The following BTG3 variants were observed in gnomAD, a reference collection of about 807,000 sequenced individuals.
BTG3 encodes protein BTG3.
A neutral mutation model predicts 25.8 loss-of-function variants in BTG3; 4 were observed. The observed-to-expected ratio is 0.16, with a 90% confidence interval of 0.08 to 0.36. The LOEUF (loss-of-function observed/expected upper bound fraction) is 0.36, where lower values mean the gene tolerates loss of function less well. Among genes scored for constraint, BTG3 ranks in the 10% least tolerant of loss-of-function variants. The pLI is 1.00. For missense variants in BTG3, 201 were observed against 304.9 expected, an observed-to-expected ratio of 0.66 and a Z score of 2.54; for synonymous variants, 107 against 99.9, an observed-to-expected ratio of 1.07 and a Z score of -0.42.
chr21:17,597,779 T>A (rs74551494), intron 4 of BTG3, among the ~76,000 whole-genome samples: 35 of 152,294 alleles, frequency 2.3e-4, no homozygotes, highest in African/African-American at 8.4e-4. Context: ...ATGTTCATTA[T>A]GTAAATGTAT....
At chr21:17,597,336 T>C (rs1408584692) in intron 4 of BTG3, among the ~76,000 whole-genome samples, 1 of 152,018 alleles carries the variant, frequency 6.6e-6, no homozygotes, top group South Asian at 2.1e-4. Flanking sequence ...TTTGGATGAA[T>C]TCCAGAAAAT....
chr21:17,600,807 A>T (rs192697720), intron 3 of BTG3, among the ~76,000 whole-genome samples: 1 of 152,364 alleles, frequency 6.6e-6, no homozygotes, highest in East Asian at 1.9e-4. Context: ...ATGAAACTAT[A>T]AATACTACTT....
chr21:17,608,373 C>CAAA (rs36108840), intron 2 of BTG3, among the ~76,000 whole-genome samples: 1 of 137,164 alleles, frequency 7.3e-6, no homozygotes, highest in African/African-American at 2.7e-5. Flanking sequence ...AACAATACCA[C>CAAA]AAAAAAAAAA....
chr21:17,611,650 C>T (rs891775883), intron 1 of BTG3: 3 of 152,186 alleles, frequency 2.0e-5, no homozygotes, highest in Non-Finnish European at 2.9e-5. Flanking sequence ...AGGCGTCCTC[C>T]ACCCACACTC....
At position 17,604,925 on chromosome 21, in the gene BTG3, C is replaced by A. The variant is rs773569443; in HGVS notation, c.246G>T (p.Leu82Phe). The A allele has an allele frequency of 1.2e-6, 2 of 1,614,190 alleles. No homozygotes were observed. Among genetic ancestry groups the A allele is most frequent in the South Asian group, 2.2e-5 (2 of 91,086 alleles). The change falls in exon 3 of 5, where the codon TTG becomes TTT. Residue 82 changes from leucine (L) to phenylalanine (F), a missense_variant. Leu to Phe is a conservative substitution (Grantham distance 22). Transcript: ENST00000348354. The part of the protein sequence containing the change: ...VLKACENSCI[L>F]YSDLGLPKEL... ...CCTTTGGCAAGCCCAGGTCACTATA[C>A]AAGATGCAGCTGTTTTCACAGGCTT...
intron 1 of BTG3, chr21:17,612,414 A>T (rs2061743406): frequency 6.6e-6 from 1 of 152,244 alleles, no homozygotes; most frequent in African/African-American, 2.4e-5. Flanking sequence ...GGCGGAATGT[A>T]ACGCGCTGTG....
At chr21:17,611,008 C>T (rs963643750) in intron 1 of BTG3, among the ~76,000 whole-genome samples, 8 of 152,108 alleles carry the variant, frequency 5.3e-5, no homozygotes, top group Non-Finnish European at 1.0e-4. Context: ...TCCCAGAACC[C>T]TAGAATGAGA....
rs76886611 is a variant in BTG3 at position 17,596,141 on chromosome 21, T to C, written c.520-1809A>G. On this transcript the variant is annotated intron_variant, in intron 4 of 4. Transcript: ENST00000348354. ...TATTTTTCATTGAATCATTTACCTT[T>C]TACTAGTGATTTGTGAGCGATTTTA... Among the ~76,000 whole-genome samples the C allele has an allele frequency of 6.3e-3, 963 of 152,076 alleles. 59 individuals are homozygous for C. The East Asian group carries it at 0.13, about 21-fold the overall frequency.
chr21:17,593,997 CT>C lies in BTG3; in HGVS notation c.*95del. 3 of 1,428,346 alleles carry C rather than the reference CT, an allele frequency of 2.1e-6. No homozygotes were observed. The highest frequency in any genetic ancestry group is 2.8e-6 in the Non-Finnish European group (3 of 1,068,788). The allele number at this position is 1,428,346 out of a possible 1,614,324, so 88.5% of individuals were successfully genotyped here. A position where few individuals can be genotyped will look rare whatever the true frequency, so the allele number is the denominator to read the frequency against. On this transcript the variant is annotated 3_prime_UTR_variant, in exon 5 of 5. Coordinates refer to ENST00000348354, the MANE Select transcript of BTG3 (RefSeq NM_006806.5). ...AAGTTTGATGGTTTGGCCCATCTAACTTCACTACTATTAGTAAGAACTTTTA... is the reference window on the plus strand; with the variant it reads ...AAGTTTGATGGTTTGGCCCATCTAACTCACTACTATTAGTAAGAACTTTTA...
chr21:17,599,015 T>G (rs1213281245), intron 3 of BTG3, 191 bp from the exon 4 acceptor site: 4 of 513,350 alleles, frequency 7.8e-6, no homozygotes, highest in African/African-American at 1.9e-5. Context: ...TTTCTACTTC[T>G]GGTCTATTTA....
chr21:17,597,523 GTC>G (rs2061520024), intron 4 of BTG3, among the ~76,000 whole-genome samples: 1 of 151,956 alleles, frequency 6.6e-6, no homozygotes, highest in Non-Finnish European at 1.5e-5. Context: ...GGTAATGAAT[GTC>G]TCTGTGGAAA....
intron 3 of BTG3, among the ~76,000 whole-genome samples, chr21:17,603,444 T>C (rs909512408): frequency 3.3e-5 from 5 of 152,170 alleles, no homozygotes; most frequent in African/African-American, 1.2e-4. Flanking sequence ...GCAAATCAGG[T>C]AGTAACCTCA....
At chr21:17,607,724 T>C (rs1217486223) in intron 2 of BTG3, among the ~76,000 whole-genome samples, 1 of 152,198 alleles carries the variant, frequency 6.6e-6, no homozygotes. Flanking sequence ...GGGACATCAA[T>C]ATACACAAAT....
intron 4 of BTG3, among the ~76,000 whole-genome samples, chr21:17,596,202 T>C (rs1250290175): frequency 6.6e-6 from 1 of 152,030 alleles, no homozygotes; most frequent in East Asian, 1.9e-4. Flanking sequence ...CCTTTACAGA[T>C]ATATGTAATG....
At position 17,593,986 on chromosome 21, in the gene BTG3, G is replaced by T; in HGVS notation, c.*107C>A. 1 of 1,281,438 alleles carries T rather than the reference G, an allele frequency of 7.8e-7. No homozygotes were observed. The highest frequency in any genetic ancestry group is 1.1e-6 in the Non-Finnish European group (1 of 946,624). The allele number at this position is 1,281,438 out of a possible 1,614,324, so 79.4% of individuals were successfully genotyped here. The stretch of plus-strand genomic sequence containing the variant: ...TCTATAAAAATAAGTTTGATGGTTT[G>T]GCCCATCTAACTTCACTACTATTAG... On this transcript the variant is annotated 3_prime_UTR_variant, in exon 5 of 5. Coordinates refer to ENST00000348354, the MANE Select transcript of BTG3 (RefSeq NM_006806.5).
At chr21:17,607,863 A>T (rs2061664947) in intron 2 of BTG3, among the ~76,000 whole-genome samples, 1 of 152,262 alleles carries the variant, frequency 6.6e-6, no homozygotes, top group Non-Finnish European at 1.5e-5. Flanking sequence ...GTTCCTGAGC[A>T]GTCACATAAA....
intron 2 of BTG3, among the ~76,000 whole-genome samples, chr21:17,606,864 C>CA (rs2061649933): frequency 6.6e-6 from 1 of 152,130 alleles, no homozygotes; most frequent in South Asian, 2.1e-4. Flanking sequence ...TCTAATTATA[C>CA]TTCTAGAATA....
chr21:17,597,971 A>G (rs1202518334), intron 4 of BTG3, among the ~76,000 whole-genome samples: 2 of 152,204 alleles, frequency 1.3e-5, no homozygotes, highest in East Asian at 3.8e-4. Flanking sequence ...CATTTACAGA[A>G]TAAGGCTCAA....
At chr21:17,598,948 T>C (rs1190818488) in intron 3 of BTG3, 124 bp from the exon 4 acceptor site, 1 of 733,530 alleles carries the variant, frequency 1.4e-6, no homozygotes, top group Non-Finnish European at 2.2e-6. Flanking sequence ...ATCACAGAAC[T>C]TGACCCTACA....
Sources: gnomAD v4.1 joint callset for allele counts (sites outside exome capture counted in the v4.1 genomes callset) on GRCh38, gnomAD v4.1.1 for gene constraint, MANE v1.5 for transcripts, NCBI Gene and HGNC (gene_info 2026-07-23, HGNC 2026-07-21) for gene names.